CD8B: variants seen among roughly 807,000 people sequenced by gnomAD.
CD8B encodes T-cell surface glycoprotein CD8 beta chain.
Under a neutral mutation model 24.2 loss-of-function variants are expected in CD8B, and 6 were observed. That is an observed-to-expected ratio of 0.25 (90% CI 0.14 to 0.49). The LOEUF is 0.49. Among genes scored for constraint, CD8B ranks in the 20% least tolerant of loss-of-function variants. CD8B has a pLI of 0.98. For missense variants in CD8B, 196 were observed against 271.3 expected (o/e 0.72, Z 1.95); for synonymous variants, 84 against 108.3 (o/e 0.78, Z 1.39).
At chr2:86,836,601 CAT>C (rs1434209058), downstream of CD8B, among the ~76,000 whole-genome samples, 3 of 152,026 alleles carry the variant, frequency 2.0e-5, no homozygotes, top group Non-Finnish European at 2.9e-5. Context: ...GCCTGGGCAA[CAT>C]AGCGAGACCT....
intron 5 of CD8B, among the ~76,000 whole-genome samples, chr2:86,820,294 C>T (rs1432684471): frequency 2.0e-5 from 3 of 152,322 alleles, no homozygotes; most frequent in South Asian, 2.1e-4. Context: ...CAAACAGCAT[C>T]GCATGCTACA....
At chr2:86,825,937 G>A (rs1470680613) in intron 5 of CD8B, among the ~76,000 whole-genome samples, 1 of 151,884 alleles carries the variant, frequency 6.6e-6, no homozygotes, top group African/African-American at 2.4e-5. Flanking sequence ...ATTCGGACAT[G>A]AACAGGAGCT....
intron 3 of CD8B, among the ~76,000 whole-genome samples, chr2:86,852,447 C>T (rs1337850906): frequency 2.0e-5 from 3 of 151,612 alleles, no homozygotes; most frequent in African/African-American, 7.3e-5. Flanking sequence ...ATTTAAATTC[C>T]CCTAAAAAGA....
rs542817379 is a variant in CD8B, at chr2:86,845,128, A to T, written c.584-170T>A. ...ATTTTAATCCCCTTAATGCTCACTG[A>T]AAACCTGAGTTGGATACTACTTTTA... On this transcript the variant is annotated intron_variant, in intron 4 of 5. Transcript: ENST00000390655. Among the ~76,000 whole-genome samples, 656 of 152,270 alleles carry T rather than the reference A, an allele frequency of 4.3e-3. 7 individuals carry two copies. Among genetic ancestry groups the T allele is most frequent in the African/African-American group, 0.015 (605 of 41,556 alleles).
chr2:86,852,937 G>T, intron 3 of CD8B, 60 bp downstream of exon 3: 1 of 1,196,088 alleles, frequency 8.4e-7, no homozygotes, highest in South Asian at 1.4e-5. Flanking sequence ...GGAGGGGAGG[G>T]AGGGAGGGCA....
chr2:86,829,692 C>G (rs1399361503), intron 5 of CD8B, among the ~76,000 whole-genome samples: 2 of 152,138 alleles, frequency 1.3e-5, no homozygotes, highest in Admixed American at 6.6e-5. Context: ...ACCAGCAAGC[C>G]TTTGTCTCCT....
chr2:86,852,845 C>T, intron 3 of CD8B, 152 bp downstream of exon 3: 1 of 1,242,214 alleles, frequency 8.1e-7, no homozygotes, highest in Non-Finnish European at 1.1e-6. Context: ...GTTGCTGGCA[C>T]ACTCAGCATC....
chr2:86,820,220 G>T (rs773413220), intron 5 of CD8B, among the ~76,000 whole-genome samples: 2 of 152,204 alleles, frequency 1.3e-5, no homozygotes, highest in Non-Finnish European at 2.9e-5. Flanking sequence ...TGAGAAAGAG[G>T]CGTCAGTATT....
chr2:86,846,201 A>G (rs962969312), intron 4 of CD8B, among the ~76,000 whole-genome samples: 2 of 152,190 alleles, frequency 1.3e-5, no homozygotes, highest in African/African-American at 4.8e-5. Context: ...TCTGTTTCCC[A>G]CAGCCTCATC....
At chr2:86,834,185 A>G (rs1573501112), downstream of CD8B, among the ~76,000 whole-genome samples, 1 of 152,028 alleles carries the variant, frequency 6.6e-6, no homozygotes, top group East Asian at 1.9e-4. Context: ...TTCATATTAA[A>G]CACTACTAGA....
chr2:86,846,325 C>CA (rs765632842), intron 4 of CD8B, among the ~76,000 whole-genome samples: 85 of 152,252 alleles, frequency 5.6e-4, no homozygotes, highest in South Asian at 2.5e-3. Context: ...AGTTCCCACT[C>CA]ACTGACACGT....
downstream of CD8B, among the ~76,000 whole-genome samples, chr2:86,836,866 C>T (rs925306745): frequency 1.3e-5 from 2 of 152,064 alleles, no homozygotes; most frequent in African/African-American, 4.8e-5. Flanking sequence ...ATTAAAAATG[C>T]ATGAAAAGGC....
chr2:86,854,187 A>G (rs1676117298), intron 2 of CD8B, among the ~76,000 whole-genome samples: 1 of 152,026 alleles, frequency 6.6e-6, no homozygotes, highest in Admixed American at 6.6e-5. Context: ...GTGTCCAAAA[A>G]AAGTTTCAGT....
chr2:86,859,967 G>A (rs1431297515), intron 1 of CD8B, among the ~76,000 whole-genome samples: 2 of 152,040 alleles, frequency 1.3e-5, no homozygotes, highest in African/African-American at 2.4e-5. Flanking sequence ...GCTTTCGCTC[G>A]CATCAAGAAT....
chr2:86,850,497 C>T (rs1675921176), intron 3 of CD8B, among the ~76,000 whole-genome samples: 1 of 152,102 alleles, frequency 6.6e-6, no homozygotes, highest in South Asian at 2.1e-4. Flanking sequence ...CTCATTTAGC[C>T]CTGCATCCCC....
rs191342897 is a variant in CD8B at position 86,825,226 on chromosome 2, G to A, written c.621-9508C>T. On this transcript the variant is annotated intron_variant, in intron 5 of 5. Coordinates refer to the CD8B transcript ENST00000331469. ...GTGCTGCTGGGGTTGGAGAGGGGCC[G>A]CCCTACATAACGTCCCCACATAAAA... is the stretch of plus-strand genomic sequence containing the variant. Among the ~76,000 whole-genome samples, 971 of 152,206 alleles carry A rather than the reference G, an allele frequency of 6.4e-3. 5 individuals carry two copies. The highest frequency in any genetic ancestry group is 1.0e-2 in the Non-Finnish European group (677 of 67,992).
At chr2:86,850,942 T>C (rs1264710616) in intron 3 of CD8B, among the ~76,000 whole-genome samples, 2 of 151,862 alleles carry the variant, frequency 1.3e-5, no homozygotes, top group African/African-American at 4.8e-5. Flanking sequence ...AATATAAAAA[T>C]TAGCCAAGCG....
intron 5 of CD8B, among the ~76,000 whole-genome samples, chr2:86,821,241 C>T (rs753321716): frequency 7.9e-5 from 12 of 151,782 alleles, no homozygotes. Context: ...GCCTGCTGCT[C>T]CTTCAATTCT....
At chr2:86,848,648 A>G (rs1320991013) in intron 3 of CD8B, among the ~76,000 whole-genome samples, 1 of 147,304 alleles carries the variant, frequency 6.8e-6, no homozygotes, top group Non-Finnish European at 1.5e-5. Context: ...TGCTAAGTAC[A>G]TACTAAATGC....
Sources: gnomAD v4.1 joint callset for allele counts (sites outside exome capture counted in the v4.1 genomes callset) on GRCh38, gnomAD v4.1.1 for gene constraint, MANE v1.5 for transcripts, NCBI Gene and HGNC (gene_info 2026-07-23, HGNC 2026-07-21) for gene names.